CD96: variants seen among roughly 807,000 people sequenced by gnomAD.
The protein encoded by CD96 is T-cell surface protein tactile.
A neutral mutation model predicts 71.3 loss-of-function variants in CD96; 70 were observed. That is an observed-to-expected ratio of 0.98 (90% CI 0.81 to 1.20). CD96 has a LOEUF of 1.20. CD96 is among the 50% of genes most tolerant of loss of function. CD96 has a pLI of 0.00. For synonymous variants in CD96, 248 were observed against 233.0 expected (o/e 1.06, Z -0.59); for missense variants, 742 against 677.5 (o/e 1.10, Z -1.06).
At chr3:111,587,319 A>G (rs1936760114) in intron 5 of CD96, among the ~76,000 whole-genome samples, 1 of 152,212 alleles carries the variant, frequency 6.6e-6, no homozygotes, top group Admixed American at 6.5e-5. Context: ...ACACAGTGCA[A>G]GCTGTTGGTG....
chr3:111,550,597 A>T (rs940736083), intron 2 of CD96, among the ~76,000 whole-genome samples: 1 of 152,172 alleles, frequency 6.6e-6, no homozygotes, highest in African/African-American at 2.4e-5. Context: ...TATTGAAAAA[A>T]AAAGAACAGT....
intron 10 of CD96, among the ~76,000 whole-genome samples, chr3:111,629,607 C>G (rs536571889): frequency 7.8e-4 from 118 of 152,202 alleles, no homozygotes; most frequent in Admixed American, 1.8e-3. Context: ...GACAGATCAT[C>G]AAGGCAAAAA....
At chr3:111,637,092 T>A in intron 10 of CD96, 104 bp from the exon 11 acceptor site, 1 of 725,054 alleles carries the variant, frequency 1.4e-6, no homozygotes, top group Non-Finnish European at 2.5e-6. Flanking sequence ...TTGCTTTATG[T>A]ACTCATTAAT....
At chr3:111,659,047 T>C (rs1940296001) in intron 14 of CD96, among the ~76,000 whole-genome samples, 1 of 152,232 alleles carries the variant, frequency 6.6e-6, no homozygotes, top group Non-Finnish European at 1.5e-5. Flanking sequence ...TCTTTGTTAC[T>C]AATTCAATTT....
intron 14 of CD96, among the ~76,000 whole-genome samples, chr3:111,661,514 ACAAG>A (rs376555884): frequency 4.0e-4 from 61 of 152,366 alleles, no homozygotes; most frequent in Middle Eastern, 3.4e-3. Context: ...AAAATAAAAA[ACAAG>A]TTAGTTACTT....
At chr3:111,562,780 C>G (rs1357836471) in intron 2 of CD96, among the ~76,000 whole-genome samples, 1 of 152,150 alleles carries the variant, frequency 6.6e-6, no homozygotes, top group African/African-American at 2.4e-5. Flanking sequence ...GTCTCCCTGA[C>G]TCAGTGTGTA....
chr3:111,552,234 C>A (rs972145282), intron 2 of CD96, among the ~76,000 whole-genome samples: 3 of 151,996 alleles, frequency 2.0e-5, no homozygotes, highest in African/African-American at 7.2e-5. Context: ...GGGCTCCACT[C>A]TCCTGGAAAA....
chr3:111,605,572 A>C (rs987930906), intron 7 of CD96, among the ~76,000 whole-genome samples: 1 of 152,208 alleles, frequency 6.6e-6, no homozygotes, highest in African/African-American at 2.4e-5. Context: ...TAACCTATTC[A>C]TATACTTCCC....
At chr3:111,656,421 G>A (rs1337107775), downstream of CD96, among the ~76,000 whole-genome samples, 2 of 152,124 alleles carry the variant, frequency 1.3e-5, no homozygotes, top group Admixed American at 1.3e-4. Flanking sequence ...GTGCAAAATG[G>A]TGCCACCAAT....
chr3:111,617,447 C>T (rs1238819297), intron 8 of CD96, among the ~76,000 whole-genome samples: 8 of 152,318 alleles, frequency 5.3e-5, no homozygotes, highest in Middle Eastern at 3.4e-3. Flanking sequence ...CCCTTCTGAG[C>T]CCATGAAAAA....
intron 7 of CD96, among the ~76,000 whole-genome samples, chr3:111,604,061 T>G (rs1330882174): frequency 6.6e-6 from 1 of 152,198 alleles, no homozygotes; most frequent in Non-Finnish European, 1.5e-5. Flanking sequence ...AAGAAACATA[T>G]TCTGCTTGTC....
At chr3:111,584,604 T>A (rs1936619000) in intron 4 of CD96, among the ~76,000 whole-genome samples, 1 of 152,292 alleles carries the variant, frequency 6.6e-6, no homozygotes, top group Middle Eastern at 3.4e-3. Context: ...AGGTACTTCT[T>A]ACACAGCAAT....
intron 8 of CD96, 55 bp downstream of exon 8, chr3:111,606,847 A>G (rs1163722815): frequency 9.5e-7 from 1 of 1,052,358 alleles, no homozygotes. Flanking sequence ...TGATAACGAT[A>G]AAATTTCAGC....
downstream of CD96, among the ~76,000 whole-genome samples, chr3:111,653,233 A>G (rs1940149600): frequency 6.6e-6 from 1 of 152,206 alleles, no homozygotes; most frequent in African/African-American, 2.4e-5. Flanking sequence ...CTCATGGAGC[A>G]GTACCACCCA....
At chr3:111,631,661 A>G (rs1486352084) in intron 10 of CD96, among the ~76,000 whole-genome samples, 2 of 151,974 alleles carry the variant, frequency 1.3e-5, no homozygotes, top group Admixed American at 1.3e-4. Context: ...AAAGAGCCCA[A>G]ATAGCCAAGG....
rs893063425 is a variant in CD96, at chr3:111,645,819, G to A, written c.1478-1724G>A. Among the ~76,000 whole-genome samples, 7 of 152,134 alleles carry A rather than the reference G, an allele frequency of 4.6e-5. No homozygotes were observed. The East Asian group carries it at 7.7e-4, about 17-fold the overall frequency. On this transcript the variant is annotated intron_variant, in intron 12 of 13. Coordinates refer to ENST00000352690, the MANE Select transcript of CD96 (RefSeq NM_005816.5). The stretch of plus-strand genomic sequence containing the variant: ...CTACTTTGACAGGGGTGAGAATCAG[G>A]AAGACCTCGAATCCCTGGATGTATG...
At chr3:111,644,577 A>G (rs1475501586) in intron 12 of CD96, among the ~76,000 whole-genome samples, 1 of 152,182 alleles carries the variant, frequency 6.6e-6, no homozygotes, top group Non-Finnish European at 1.5e-5. Flanking sequence ...GAGTAAACAG[A>G]TGACCCAGAG....
intron 10 of CD96, among the ~76,000 whole-genome samples, chr3:111,626,372 C>G (rs1938762911): frequency 6.9e-6 from 1 of 143,896 alleles, no homozygotes; most frequent in African/African-American, 2.6e-5. Context: ...TAAATGAAGA[C>G]TAGAATTAGA....
intron 3 of CD96, among the ~76,000 whole-genome samples, chr3:111,572,129 C>T (rs936080768): frequency 2.6e-5 from 4 of 152,160 alleles, no homozygotes; most frequent in Admixed American, 6.5e-5. Flanking sequence ...ATGTATCTAC[C>T]CGCACGTACA....
Sources: allele counts gnomAD v4.1 joint callset (sites outside exome capture counted in the v4.1 genomes callset), GRCh38; gene constraint gnomAD v4.1.1; transcripts MANE v1.5; gene names NCBI Gene and HGNC (gene_info 2026-07-23, HGNC 2026-07-21).